ECT2: variants seen among roughly 807,000 people sequenced by gnomAD.
The protein encoded by ECT2 is epithelial cell transforming 2.
In ECT2, 61 loss-of-function variants were observed where a neutral mutation model predicts 116.9. The ratio of observed to expected loss-of-function variants is 0.52; its 90% CI spans 0.42 to 0.65. ECT2 has a LOEUF of 0.65. ECT2 is among the 30% of genes least tolerant of loss of function. The probability of loss-of-function intolerance (pLI) is 0.00; values close to 1 mark genes in which losing one functional copy is unlikely to be tolerated. For synonymous variants in ECT2, 358 were observed against 346.4 expected (o/e 1.03, Z -0.37); for missense variants, 937 against 1,078.7 (o/e 0.87, Z 1.84).
chr3:172,804,660 ATC>A (rs1727354529), intron 20 of ECT2, among the ~76,000 whole-genome samples: 1 of 152,188 alleles, frequency 6.6e-6, no homozygotes, highest in Admixed American at 6.5e-5. Context: ...TGCTCCATTC[ATC>A]TAATAGGTTA....
chr3:172,772,797 T>C (rs1471588193), intron 13 of ECT2, among the ~76,000 whole-genome samples: 2 of 152,240 alleles, frequency 1.3e-5, no homozygotes, highest in African/African-American at 4.8e-5. Context: ...GTATAAAGTG[T>C]TATATTTAGG....
chr3:172,772,451 C>T (rs974545550), intron 13 of ECT2, among the ~76,000 whole-genome samples: 4 of 152,180 alleles, frequency 2.6e-5, no homozygotes, highest in Non-Finnish European at 5.9e-5. Flanking sequence ...CCACCTCGGC[C>T]TCTCACAGTG....
chr3:172,820,098 T>C (rs770200056), intron 24 of ECT2, 50 bp from the exon 25 acceptor site: 17 of 1,463,844 alleles, frequency 1.2e-5, no homozygotes, highest in Non-Finnish European at 1.6e-5. Flanking sequence ...TATTTTACAA[T>C]TTTTTTAAAG....
intron 15 of ECT2, among the ~76,000 whole-genome samples, chr3:172,782,521 T>C (rs1722890045): frequency 6.6e-6 from 1 of 152,164 alleles, no homozygotes; most frequent in African/African-American, 2.4e-5. Flanking sequence ...ACAGATTGTA[T>C]TTTTATTTTA....
chr3:172,762,018 G>A (rs1718400273), intron 8 of ECT2, among the ~76,000 whole-genome samples: 2 of 152,116 alleles, frequency 1.3e-5, no homozygotes, highest in African/African-American at 2.4e-5. Flanking sequence ...TTTAATTGGT[G>A]CTTGAAATTT....
the ECT2 span, chr3:172,828,844 G>A: frequency 1.1e-6 from 1 of 950,232 alleles, no homozygotes. Flanking sequence ...TGAGAGATGA[G>A]TGCCTGAGAG....
rs1230644466 is a variant in ECT2 at position 172,750,831 on chromosome 3, G to A, written c.-49G>A. 1 of 153,120 alleles carries A rather than the reference G, an allele frequency of 6.5e-6. No individual in the cohort carries two copies. The highest frequency in any genetic ancestry group is 1.5e-5 in the Non-Finnish European group (1 of 68,296). 9.5% of individuals were successfully genotyped at this position (153,120 alleles called of 1,614,324 possible). ...GAGAGGAGTCGGCGTTTGAAGAGGT[G>A]GAACTCCTAGGGCTTTTTTGAGAGT... On this transcript the variant is annotated 5_prime_UTR_variant, in exon 1 of 25. Coordinates refer to ENST00000392692, the MANE Select transcript of ECT2 (RefSeq NM_001258315.2).
At chr3:172,819,931 A>G (rs968234492) in intron 24 of ECT2, among the ~76,000 whole-genome samples, 66 of 152,220 alleles carry the variant, frequency 4.3e-4, no homozygotes, top group African/African-American at 1.5e-3. Context: ...TAACTAGTCT[A>G]GCTATTTGGC....
At position 172,820,919 on chromosome 3, in the gene ECT2, C is replaced by G. The variant is rs952621358; in HGVS notation, c.*682C>G. 2.0e-5 allele frequency: 3 copies of G among 151,804 alleles called. No homozygotes were observed. The highest frequency in any genetic ancestry group is 7.2e-5 in the African/African-American group (3 of 41,394). The allele number at this position is 151,804 out of a possible 1,614,324, so 9.4% of individuals were successfully genotyped here. A position where few individuals can be genotyped will look rare whatever the true frequency, so the allele number is the denominator to read the frequency against. On this transcript the variant is annotated 3_prime_UTR_variant, in exon 25 of 25. Transcript: ENST00000392692. ...AGAAACATTGTATATTTTGCAAAAACAAGATGTTTGTAGCTGTTTCAGAGA... is the reference window on the plus strand; with the variant it reads ...AGAAACATTGTATATTTTGCAAAAAGAAGATGTTTGTAGCTGTTTCAGAGA...
intron 23 of ECT2, 150 bp downstream of exon 23, chr3:172,815,861 T>C: frequency 3.3e-6 from 2 of 613,424 alleles, no homozygotes; most frequent in Non-Finnish European, 5.7e-6. Context: ...AAACAATAGT[T>C]TTACTTCAGT....
At chr3:172,816,547 C>T (rs1729749703) in intron 23 of ECT2, 144 bp from the exon 24 acceptor site, 3 of 553,016 alleles carry the variant, frequency 5.4e-6, no homozygotes, top group South Asian at 5.2e-5. Context: ...AATTTCCTCA[C>T]TGTTTTGTGC....
chr3:172,784,889 G>C, intron 17 of ECT2, 86 bp downstream of exon 17: 4 of 849,624 alleles, frequency 4.7e-6, no homozygotes, highest in Non-Finnish European at 7.3e-6. Flanking sequence ...CTCATTTTTA[G>C]AGTTTCTTAG....
rs139850824 is a variant in ECT2, at chr3:172,786,335, T to C, written c.1826-158T>C. On this transcript the variant is annotated intron_variant, in intron 17 of 24. Transcript: ENST00000392692. ...AATGGAAACCTTAACAGATGTGTAA[T>C]AAGAGAGCTTTTTAGGGAACAGTGC... Among the ~76,000 whole-genome samples, 405 of 152,292 alleles carry C rather than the reference T, an allele frequency of 2.7e-3. 2 individuals carry two copies. The highest frequency in any genetic ancestry group is 9.2e-3 in the African/African-American group (381 of 41,564).
chr3:172,786,352 G>C lies in ECT2; in HGVS notation c.1826-141G>C, dbSNP rs930127217. The C allele has an allele frequency of 1.4e-5, 8 of 556,134 alleles. No homozygotes were observed. In the Admixed American group the frequency reaches 2.6e-4, roughly 18 times the overall value. 34.4% of individuals were successfully genotyped at this position (556,134 alleles called of 1,614,324 possible). A position where few individuals can be genotyped will look rare whatever the true frequency, so the allele number is the denominator to read the frequency against. Reference sequence around the variant, plus strand: ...ATGTGTAATAAGAGAGCTTTTTAGGGAACAGTGCTTAAAACTTTTTAAAAA... The same window carrying C: ...ATGTGTAATAAGAGAGCTTTTTAGGCAACAGTGCTTAAAACTTTTTAAAAA... On this transcript the variant is annotated intron_variant, in intron 17 of 24. Transcript: ENST00000392692.
At chr3:172,766,029 T>G (rs529450470) in intron 12 of ECT2, among the ~76,000 whole-genome samples, 2 of 152,346 alleles carry the variant, frequency 1.3e-5, no homozygotes, top group East Asian at 1.9e-4. Flanking sequence ...CTTGTTTACT[T>G]CTTTATTATT....
At chr3:172,801,332 C>G (rs574677157) in intron 18 of ECT2, among the ~76,000 whole-genome samples, 1 of 152,260 alleles carries the variant, frequency 6.6e-6, no homozygotes, top group South Asian at 2.1e-4. Flanking sequence ...AGAATCAGAA[C>G]AGTATTTAGT....
intron 18 of ECT2, among the ~76,000 whole-genome samples, chr3:172,790,951 T>A (rs1559990148): frequency 6.6e-6 from 1 of 152,164 alleles, no homozygotes; most frequent in Admixed American, 6.5e-5. Flanking sequence ...GGCCAGGAGT[T>A]TTAGACCAGC....
At position 172,761,665 on chromosome 3, in the gene ECT2, G is replaced by A. The variant is rs1416094434; in HGVS notation, c.740G>A (p.Trp247Ter). 4.3e-6 allele frequency: 7 copies of A among 1,609,842 alleles called. No individual in the cohort carries two copies. The highest frequency in any genetic ancestry group is 5.9e-6 in the Non-Finnish European group (7 of 1,177,190). ...IMKPEWIYKA[W>*]ERRNEQDFYA... ...AAGCCAGAATGGATTTATAAAGCTT[G>A]GGAAAGGCGGAATGAACAGTAAGTG... Residue 247 changes from tryptophan to a stop codon, truncating the protein, a stop_gained, in exon 8 of 25, where the codon TGG becomes TAG. Transcript: ENST00000392692. LOFTEE classifies it high-confidence loss of function.
intron 12 of ECT2, 134 bp from the exon 13 acceptor site, chr3:172,768,873 T>A (rs1038021666): frequency 3.4e-5 from 37 of 1,073,536 alleles, no homozygotes; most frequent in African/African-American, 1.5e-4. Flanking sequence ...GAGAAAAAAA[T>A]TTTTTATTGG....
Sources: gnomAD v4.1 joint callset for allele counts (sites outside exome capture counted in the v4.1 genomes callset) on GRCh38, gnomAD v4.1.1 for gene constraint, MANE v1.5 for transcripts, NCBI Gene and HGNC (gene_info 2026-07-23, HGNC 2026-07-21) for gene names.